The following ARPP19 variants were observed in gnomAD, a reference collection of about 807,000 sequenced individuals.
ARPP19 encodes cAMP-regulated phosphoprotein 19.
ARPP19 carries 8 observed loss-of-function variants against 12.0 expected under a neutral mutation model. The observed-to-expected ratio is 0.67, with a 90% CI of 0.39 to 1.21. The LOEUF (loss-of-function observed/expected upper bound fraction) is 1.21, where lower values mean the gene tolerates loss of function less well. Among genes scored for constraint, ARPP19 ranks in the 50% most tolerant of loss-of-function variants. ARPP19 has a pLI of 0.01. For synonymous variants in ARPP19, 47 were observed against 50.4 expected (o/e 0.93, Z 0.29); for missense variants, 102 against 136.3 (o/e 0.75, Z 1.25).
chr15:52,568,609 C>CCGCG, intron 1 of ARPP19: 1 of 456,368 alleles, frequency 2.2e-6, no homozygotes, highest in Non-Finnish European at 3.8e-6. Flanking sequence ...CTGAGGAACA[C>CCGCG]CGCGACCCAC....
chr15:52,567,587 A>T (rs1693487), intron 1 of ARPP19, among the ~76,000 whole-genome samples: 122,518 of 152,168 alleles, frequency 0.81, 50,913 homozygotes, highest in Non-Finnish European at 0.92. Flanking sequence ...AAGATTGCAA[A>T]CTTTAATATT....
intron 2 of ARPP19, among the ~76,000 whole-genome samples, chr15:52,555,251 AAAAT>A (rs1381231672): frequency 6.6e-6 from 1 of 152,112 alleles, no homozygotes; most frequent in Admixed American, 6.5e-5. Context: ...AAGATACTTA[AAAAT>A]AAATAGTTCA....
At chr15:52,567,178 A>G (rs1489603462) in intron 1 of ARPP19, among the ~76,000 whole-genome samples, 1 of 152,222 alleles carries the variant, frequency 6.6e-6, no homozygotes, top group Non-Finnish European at 1.5e-5. Flanking sequence ...GCCAATCCTC[A>G]ATTTAAGAAG....
At chr15:52,566,913 C>T (rs2078088205) in intron 1 of ARPP19, among the ~76,000 whole-genome samples, 1 of 152,192 alleles carries the variant, frequency 6.6e-6, no homozygotes, top group South Asian at 2.1e-4. Context: ...ATGCAAGGCC[C>T]AGCTATCTAC....
chr15:52,556,326 C>A (rs1044755972), intron 2 of ARPP19, among the ~76,000 whole-genome samples: 1 of 152,060 alleles, frequency 6.6e-6, no homozygotes, highest in African/African-American at 2.4e-5. Flanking sequence ...TTTGAATATG[C>A]TTAAGCTGAA....
chr15:52,568,906 C>G lies in ARPP19; in HGVS notation c.-14G>C. The G allele has an allele frequency of 6.4e-7, 1 of 1,568,600 alleles. No homozygotes were observed. Among genetic ancestry groups the G allele is most frequent in the Non-Finnish European group, 8.6e-7 (1 of 1,160,290 alleles). On this transcript the variant is annotated 5_prime_UTR_variant, in exon 1 of 3. Transcript: ENST00000249822. ...TTCCGCAGACATAGTGCTCCCTCTG[C>G]AGACGAGACGCCGGGAAAAGATGCA...
intron 1 of ARPP19, among the ~76,000 whole-genome samples, chr15:52,562,546 T>C (rs1335887790): frequency 1.3e-5 from 2 of 152,126 alleles, no homozygotes; most frequent in Admixed American, 6.6e-5. Flanking sequence ...TAGATGCTTA[T>C]ATGCCTATAG....
In ARPP19 at chr15:52,565,569, G is replaced by A. The variant is rs1437773395; in HGVS notation, c.45+3279C>T. Among the ~76,000 whole-genome samples, 2 of 152,176 alleles carry A rather than the reference G, an allele frequency of 1.3e-5. 1 individual carries two copies. Among genetic ancestry groups the A allele is most frequent in the Admixed American group, 1.3e-4 (2 of 15,274 alleles). On this transcript the variant is annotated intron_variant, in intron 1 of 2. Transcript: ENST00000249822. ...GCTTTCTTTGACAAAGACTCAGCAG[G>A]TTACTCCAACTGTCCAAGAAAATGA...
At chr15:52,560,901 G>T (rs1456476808) in intron 1 of ARPP19, among the ~76,000 whole-genome samples, 2 of 152,188 alleles carry the variant, frequency 1.3e-5, no homozygotes, top group African/African-American at 4.8e-5. Context: ...GACAAGGGAG[G>T]CAGACGATGG....
chr15:52,561,295 G>A (rs1202008306), intron 1 of ARPP19, among the ~76,000 whole-genome samples: 1 of 152,136 alleles, frequency 6.6e-6, no homozygotes, highest in Admixed American at 6.5e-5. Flanking sequence ...AAGAATCACA[G>A]AAAGATTAAA....
intron 2 of ARPP19, among the ~76,000 whole-genome samples, chr15:52,552,676 A>G (rs1303758406): frequency 6.6e-6 from 1 of 151,504 alleles, no homozygotes; most frequent in Non-Finnish European, 1.5e-5. Context: ...CTAATATAAT[A>G]TTAAGCTATT....
chr15:52,550,045 G>C lies in ARPP19; in HGVS notation c.*1889C>G, dbSNP rs1459758459. 1 of 152,584 alleles carries C rather than the reference G, an allele frequency of 6.6e-6. No homozygotes were observed. Among genetic ancestry groups the C allele is most frequent in the Non-Finnish European group, 1.5e-5 (1 of 68,050 alleles). The allele number at this position is 152,584 out of a possible 1,614,324, so 9.5% of individuals were successfully genotyped here. ...TTGACTATGATTTGGGGTCATAGGA[G>C]AGCAGGTATACTGATGGAACCAGGA... On this transcript the variant is annotated 3_prime_UTR_variant, in exon 3 of 3. Transcript: ENST00000249822.
intron 1 of ARPP19, among the ~76,000 whole-genome samples, chr15:52,565,195 GATTT>G (rs1161033835): frequency 6.6e-6 from 1 of 151,850 alleles, no homozygotes; most frequent in Non-Finnish European, 1.5e-5. Flanking sequence ...TACAGGTGTA[GATTT>G]ATTATTTTAG....
intron 1 of ARPP19, among the ~76,000 whole-genome samples, chr15:52,566,221 T>C (rs767505576): frequency 6.6e-6 from 1 of 152,162 alleles, no homozygotes; most frequent in Non-Finnish European, 1.5e-5. Context: ...TACAGTGGTA[T>C]GATCTCAGCT....
At chr15:52,558,285 T>C (rs1281018108) in intron 1 of ARPP19, among the ~76,000 whole-genome samples, 1 of 151,814 alleles carries the variant, frequency 6.6e-6, no homozygotes, top group Non-Finnish European at 1.5e-5. Context: ...CCAACCTTTG[T>C]AAAAAAGTTT....
chr15:52,550,342 T>C lies in ARPP19; in HGVS notation c.*1592A>G, dbSNP rs1395278472. 1.3e-5 allele frequency: 2 copies of C among 152,246 alleles called. No homozygotes were observed. The highest frequency in any genetic ancestry group is 6.5e-5 in the Admixed American group (1 of 15,288). The allele number at this position is 152,246 out of a possible 1,614,324, so 9.4% of individuals were successfully genotyped here. On this transcript the variant is annotated 3_prime_UTR_variant, in exon 3 of 3. Coordinates refer to ENST00000249822, the MANE Select transcript of ARPP19 (RefSeq NM_006628.6). ...AAACATTTTTAATAGGAGTTTTACC[T>C]GTCATGTAAATTACTCTAATTGTCA... is the stretch of plus-strand genomic sequence containing the variant.
In ARPP19 at chr15:52,547,469, TTAAA is replaced by T. The variant is rs747756756; in HGVS notation, c.*4461_*4464del. 1.3e-5 allele frequency: 2 copies of T among 152,356 alleles called. No homozygotes were observed. Among genetic ancestry groups the T allele is most frequent in the African/African-American group, 4.8e-5 (2 of 41,588 alleles). 9.4% of individuals were successfully genotyped at this position (152,356 alleles called of 1,614,324 possible). On this transcript the variant is annotated 3_prime_UTR_variant, in exon 3 of 3. Transcript: ENST00000249822. ...CAGTAACAGATCCAAGGGCATAATA[TTAAA>T]TATGTTTTTTTCCAACTGCGATTTA... is the stretch of plus-strand genomic sequence containing the variant.
chr15:52,568,943 G>C lies in ARPP19; in HGVS notation c.-51C>G. On this transcript the variant is annotated 5_prime_UTR_variant, in exon 1 of 3. Coordinates refer to ENST00000249822, the MANE Select transcript of ARPP19 (RefSeq NM_006628.6). ...CGGGAAAAGATGCAATTAGCGGGTGGCCGAGGCCACCCGGCCGCCGCCCGT... is the reference window on the plus strand; with the variant it reads ...CGGGAAAAGATGCAATTAGCGGGTGCCCGAGGCCACCCGGCCGCCGCCCGT... 1 of 1,116,960 alleles carries C rather than the reference G, an allele frequency of 9.0e-7. No individual in the cohort carries two copies. Among genetic ancestry groups the C allele is most frequent in the Non-Finnish European group, 1.3e-6 (1 of 797,290 alleles). 69.2% of individuals were successfully genotyped at this position (1,116,960 alleles called of 1,614,324 possible).
At chr15:52,562,223 T>A (rs761029172) in intron 1 of ARPP19, among the ~76,000 whole-genome samples, 4 of 152,202 alleles carry the variant, frequency 2.6e-5, no homozygotes, top group Non-Finnish European at 5.9e-5. Context: ...ATTTTAATTT[T>A]ACATCTAACA....
Sources: gnomAD v4.1 joint callset for allele counts (sites outside exome capture counted in the v4.1 genomes callset) on GRCh38, gnomAD v4.1.1 for gene constraint, MANE v1.5 for transcripts, NCBI Gene and HGNC (gene_info 2026-07-23, HGNC 2026-07-21) for gene names.